Variants in MYL4 observed in about 807,000 individuals in gnomAD.
The protein encoded by MYL4 is myosin light chain 4, also known as atrial myosin light chain 1.
Under a neutral mutation model 21.6 loss-of-function variants are expected in MYL4, and 16 were observed. The ratio of observed to expected loss-of-function variants is 0.74; its 90% confidence interval spans 0.50 to 1.12. The LOEUF is 1.12. Ranked by LOEUF, MYL4 falls within the 50% of genes most tolerant of loss-of-function variation. The pLI is 0.00. For synonymous variants in MYL4, 82 were observed against 95.7 expected (o/e 0.86, Z 0.83); for missense variants, 249 against 252.9 (o/e 0.98, Z 0.11).
intron 1 of MYL4, among the ~76,000 whole-genome samples, chr17:47,213,495 T>C (rs951822719): frequency 6.6e-6 from 1 of 152,170 alleles, no homozygotes; most frequent in Non-Finnish European, 1.5e-5. Context: ...TGATAGTTGT[T>C]ATGTATTTTT....
intron 1 of MYL4, among the ~76,000 whole-genome samples, chr17:47,211,963 G>A (rs1353732197): frequency 6.6e-6 from 1 of 152,116 alleles, no homozygotes; most frequent in African/African-American, 2.4e-5. Flanking sequence ...GGTGGCTCAC[G>A]CCTGTAATCT....
intron 1 of MYL4, among the ~76,000 whole-genome samples, chr17:47,201,736 G>A (rs546003840): frequency 3.3e-5 from 5 of 151,890 alleles, no homozygotes; most frequent in East Asian, 3.9e-4. Flanking sequence ...GATTATAGGC[G>A]TGAGCCACTG....
upstream of MYL4, among the ~76,000 whole-genome samples, chr17:47,207,767 G>GT (rs199562775): frequency 4.3e-3 from 650 of 152,058 alleles, 8 homozygotes; most frequent in African/African-American, 0.015. Flanking sequence ...GACTTTCAAA[G>GT]TTTTTTTTAC....
intron 1 of MYL4, among the ~76,000 whole-genome samples, chr17:47,210,137 A>ATGGG (rs2064762901): frequency 6.6e-6 from 1 of 152,148 alleles, no homozygotes; most frequent in Non-Finnish European, 1.5e-5. Context: ...CCTTACCCAG[A>ATGGG]CGGGCCTTTC....
downstream of MYL4, among the ~76,000 whole-genome samples, chr17:47,225,833 G>A (rs972267074): frequency 2.1e-5 from 3 of 145,022 alleles, no homozygotes; most frequent in African/African-American, 7.7e-5. Context: ...CTGGGGCCTC[G>A]TCAGGTTTTC....
the MYL4 span, among the ~76,000 whole-genome samples, chr17:47,194,929 C>T: frequency 2.6e-5 from 4 of 151,736 alleles, no homozygotes; most frequent in East Asian, 1.9e-4. Context: ...TTTGTAGAGA[C>T]GGGGTTTTGC....
At chr17:47,197,428 T>C (rs1006880405), upstream of MYL4, among the ~76,000 whole-genome samples, 12 of 152,160 alleles carry the variant, frequency 7.9e-5, no homozygotes, top group African/African-American at 2.7e-4. Context: ...GTCAAGGCAG[T>C]ATCTGAAGTA....
chr17:47,193,547 C>G, the MYL4 span, among the ~76,000 whole-genome samples: 2 of 152,040 alleles, frequency 1.3e-5, no homozygotes, highest in Non-Finnish European at 2.9e-5. Flanking sequence ...GGATTACAGG[C>G]ATGAGCCACT....
chr17:47,207,451 T>C (rs981242980), upstream of MYL4, among the ~76,000 whole-genome samples: 2 of 152,240 alleles, frequency 1.3e-5, no homozygotes, highest in South Asian at 4.1e-4. Context: ...AGGGTCCTTC[T>C]GGCTCTGAAG....
chr17:47,203,593 G>A (rs35536045), intron 1 of MYL4, among the ~76,000 whole-genome samples: 12,425 of 151,700 alleles, frequency 0.082, 583 homozygotes, highest in African/African-American at 0.11. Context: ...TAATATTTTC[G>A]TTTATCTCTT....
rs752046263 is a variant in MYL4, at chr17:47,219,959, C to T, written c.219C>T (p.Ile73=). Reference sequence around the variant, plus strand: ...GGACCCCGACTGGAGAGATGAAGATCACCTACGGCCAGTGCGGGGATGTAC... The same window carrying T: ...GGACCCCGACTGGAGAGATGAAGATTACCTACGGCCAGTGCGGGGATGTAC... The part of the protein sequence containing the change: ...FDRTPTGEMK[I]TYGQCGDVLR... Residue 73 remains isoleucine, a synonymous_variant, in exon 3 of 7, where the codon ATC becomes ATT. Coordinates refer to ENST00000393450, the MANE Select transcript of MYL4 (RefSeq NM_002476.2). The T allele has an allele frequency of 1.2e-6, 2 of 1,614,226 alleles. No individual in the cohort carries two copies. The highest frequency in any genetic ancestry group is 1.7e-6 in the Non-Finnish European group (2 of 1,180,044).
At chr17:47,219,793 A>G in intron 2 of MYL4, 111 bp from the exon 3 acceptor site, 1 of 1,332,012 alleles carries the variant, frequency 7.5e-7, no homozygotes, top group Non-Finnish European at 1.1e-6. Flanking sequence ...AAATATTGGG[A>G]TATTTTAACA....
chr17:47,220,811 C>G (rs1278166565), intron 3 of MYL4, among the ~76,000 whole-genome samples: 1 of 152,194 alleles, frequency 6.6e-6, no homozygotes, highest in East Asian at 1.9e-4. Flanking sequence ...AACACACACA[C>G]ATGCTTCTCC....
chr17:47,218,049 A>G (rs1313832157), intron 2 of MYL4, among the ~76,000 whole-genome samples: 6 of 151,938 alleles, frequency 3.9e-5, no homozygotes, highest in African/African-American at 1.5e-4. Context: ...CTCAAAAAAA[A>G]AAAAAAAACA....
At position 47,223,003 on chromosome 17, in the gene MYL4, T is replaced by A; in HGVS notation, c.566-11T>A. 1 of 1,614,108 alleles carries A rather than the reference T, an allele frequency of 6.2e-7. No homozygotes were observed. Among genetic ancestry groups the A allele is most frequent in the Non-Finnish European group, 8.5e-7 (1 of 1,179,988 alleles). On this transcript the variant is annotated splice_polypyrimidine_tract_variant and intron_variant, in intron 5 of 6. Coordinates refer to ENST00000393450, the MANE Select transcript of MYL4 (RefSeq NM_002476.2). ...GAGCCACATGGTGGCTGATTTTCAC[T>A]TTTTTCCTAGCCTTTGTCAAGCACA...
At position 47,209,834 on chromosome 17, in the gene MYL4, T is replaced by A. The variant is rs570660886; in HGVS notation, c.135+277T>A. ...CAGCTAAGTTGGGAATGGGGGGAGGTACAACCAACCATCCATCCACCCTTT... is the reference window on the plus strand; with the variant it reads ...CAGCTAAGTTGGGAATGGGGGGAGGAACAACCAACCATCCATCCACCCTTT... On this transcript the variant is annotated intron_variant, in intron 1 of 6. Transcript: ENST00000393450. 4.6e-5 allele frequency: 25 copies of A among 549,082 alleles called. No individual in the cohort carries two copies. The East Asian group carries it at 5.5e-4, about 12-fold the overall frequency. The allele number at this position is 549,082 out of a possible 1,614,324, so 34.0% of individuals were successfully genotyped here.
chr17:47,209,230 T>G (rs2064752925), upstream of MYL4: 1 of 730,332 alleles, frequency 1.4e-6, no homozygotes, highest in Non-Finnish European at 2.3e-6. Context: ...AGTTGTCAGC[T>G]GTACCCTGCT....
upstream of MYL4, among the ~76,000 whole-genome samples, chr17:47,196,489 A>G (rs1287796402): frequency 1.3e-5 from 2 of 152,210 alleles, no homozygotes; most frequent in African/African-American, 2.4e-5. Flanking sequence ...ATATTTCTGT[A>G]TATTGTTCTT....
intron 2 of MYL4, among the ~76,000 whole-genome samples, chr17:47,217,166 A>AT (rs57175103): frequency 1 from 152,310 of 152,310 alleles, 76,155 homozygotes; most frequent in Non-Finnish European, 1. Context: ...GGTAAAAAAG[A>AT]TAAATCCTGC....
Sources: allele counts gnomAD v4.1 joint callset (sites outside exome capture counted in the v4.1 genomes callset), GRCh38; gene constraint gnomAD v4.1.1; transcripts MANE v1.5; gene names NCBI Gene and HGNC (gene_info 2026-07-23, HGNC 2026-07-21).